Variants in IFT88 observed in about 807,000 individuals in gnomAD.
IFT88 encodes the protein intraflagellar transport protein 88 homolog.
Under a neutral mutation model 119.5 loss-of-function variants are expected in IFT88, and 74 were observed. That is an observed-to-expected ratio of 0.62 (90% confidence interval 0.51 to 0.75). IFT88 has a LOEUF of 0.75. IFT88 is among the 30% of genes least tolerant of loss of function. The pLI, the probability that IFT88 is intolerant of heterozygous loss-of-function variation, is 0.00. For missense variants in IFT88, 961 were observed against 977.7 expected (o/e 0.98, Z 0.23); for synonymous variants, 279 against 316.7 (o/e 0.88, Z 1.26).
intron 24 of IFT88, among the ~76,000 whole-genome samples, chr13:20,672,093 G>A (rs1373394799): frequency 6.6e-6 from 1 of 152,184 alleles, no homozygotes; most frequent in African/African-American, 2.4e-5. Context: ...GTAGAGAAAT[G>A]TACATGAGTT....
At chr13:20,571,192 C>T (rs1480555110) in intron 1 of IFT88, among the ~76,000 whole-genome samples, 1 of 152,014 alleles carries the variant, frequency 6.6e-6, no homozygotes, top group African/African-American at 2.4e-5. Context: ...GACGGGGTTT[C>T]ACCATATTAG....
At chr13:20,670,307 G>T (rs2055573533) in intron 23 of IFT88, among the ~76,000 whole-genome samples, 1 of 152,054 alleles carries the variant, frequency 6.6e-6, no homozygotes, top group Non-Finnish European at 1.5e-5. Context: ...GTGACTTGAG[G>T]CAGATTCAAT....
chr13:20,647,661 A>C (rs1953641619), intron 20 of IFT88, among the ~76,000 whole-genome samples: 1 of 152,178 alleles, frequency 6.6e-6, no homozygotes. Flanking sequence ...CAGCAGCATT[A>C]GGTAATGTTC....
At chr13:20,591,582 T>TTAAA in intron 5 of IFT88, 36 bp from the exon 6 acceptor site, 1 of 1,504,618 alleles carries the variant, frequency 6.6e-7, no homozygotes, top group South Asian at 1.1e-5. Context: ...GAGATAGATC[T>TTAAA]TATTTAAGAA....
intron 11 of IFT88, among the ~76,000 whole-genome samples, chr13:20,599,866 A>G (rs936959653): frequency 6.6e-6 from 1 of 152,186 alleles, no homozygotes; most frequent in African/African-American, 2.4e-5. Context: ...TCATAATAGC[A>G]GTCCTCCAGA....
intron 7 of IFT88, among the ~76,000 whole-genome samples, chr13:20,594,537 A>AT (rs1288933323): frequency 6.6e-6 from 1 of 151,784 alleles, no homozygotes; most frequent in Non-Finnish European, 1.5e-5. Flanking sequence ...TATAGATTGC[A>AT]TTTTTTTTGC....
At chr13:20,677,481 C>G (rs1214147627) in intron 24 of IFT88, among the ~76,000 whole-genome samples, 1 of 152,134 alleles carries the variant, frequency 6.6e-6, no homozygotes, top group African/African-American at 2.4e-5. Context: ...GGATCCCTAG[C>G]TGTGGTGCGC....
intron 14 of IFT88, among the ~76,000 whole-genome samples, chr13:20,621,526 TAAAAAAAAAAAAAAAAAAAAAA>T (rs200491393): frequency 7.6e-6 from 1 of 130,742 alleles, no homozygotes. Context: ...CCTGCTGAGA[TAAAAAAAAAAAAAAAAAAAAAA>T]AAAAAAAAAG....
chr13:20,568,747 G>A (rs532708256), intron 1 of IFT88, among the ~76,000 whole-genome samples: 3 of 151,656 alleles, frequency 2.0e-5, no homozygotes, highest in Admixed American at 6.6e-5. Context: ...AGACGGAGTC[G>A]CACGCTCTGT....
intron 15 of IFT88, among the ~76,000 whole-genome samples, chr13:20,629,167 T>A (rs903114793): frequency 6.6e-6 from 1 of 152,212 alleles, no homozygotes; most frequent in Non-Finnish European, 1.5e-5. Context: ...TAATACACCA[T>A]TTATTATGAC....
chr13:20,599,426 C>A, intron 10 of IFT88, 25 bp from the exon 11 acceptor site: 2 of 796,320 alleles, frequency 2.5e-6, no homozygotes, highest in Admixed American at 4.5e-5. Flanking sequence ...GAGTATTATA[C>A]ATTCATTAAA....
chr13:20,616,935 G>GT lies in IFT88; in HGVS notation c.1199+1065dup, dbSNP rs200313608. ...GGTCCTGGACCAAAACTTTTTTTTG[G>GT]TTTTTTTTTGTTGTTGTTGTTGTTT... On this transcript the variant is annotated intron_variant, in intron 14 of 25. Coordinates refer to ENST00000351808, the MANE Select transcript of IFT88 (RefSeq NM_006531.5). Among the ~76,000 whole-genome samples, 28 of 150,862 alleles carry GT rather than the reference G, an allele frequency of 1.9e-4. No individual in the cohort carries two copies. In the East Asian group the frequency reaches 3.3e-3, roughly 18 times the overall value.
intron 3 of IFT88, among the ~76,000 whole-genome samples, chr13:20,586,907 A>T (rs912809564): frequency 1.4e-4 from 21 of 151,674 alleles, no homozygotes; most frequent in African/African-American, 4.6e-4. Flanking sequence ...GTTTTTTCCC[A>T]TTTTTTTTAA....
chr13:20,572,037 C>CT (rs36049043), intron 1 of IFT88, among the ~76,000 whole-genome samples: 127,372 of 151,814 alleles, frequency 0.84, 53,789 homozygotes, highest in East Asian at 1. Context: ...GCTTTGATAT[C>CT]TTTTTTTCTG....
chr13:20,596,054 G>GTAAAATAAAA (rs59556709), intron 7 of IFT88, 96 bp from the exon 8 acceptor site: 5,338 of 210,168 alleles, frequency 0.025, 96 homozygotes, highest in East Asian at 0.056. Context: ...GACCTTGTCT[G>GTAAAATAAAA]TAAAATAAAA....
At chr13:20,652,030 A>T (rs143659054) in intron 20 of IFT88, among the ~76,000 whole-genome samples, 2 of 152,322 alleles carry the variant, frequency 1.3e-5, no homozygotes, top group Non-Finnish European at 2.9e-5. Context: ...ATTTGTAGAG[A>T]TAGAAAGTAG....
chr13:20,571,084 C>G (rs1465562825), intron 1 of IFT88, among the ~76,000 whole-genome samples: 3 of 152,162 alleles, frequency 2.0e-5, no homozygotes, highest in Non-Finnish European at 4.4e-5. Flanking sequence ...ACCTCCGCCT[C>G]CCAGGTTCAG....
At chr13:20,619,144 A>AC (rs1309449040) in intron 14 of IFT88, among the ~76,000 whole-genome samples, 1 of 151,996 alleles carries the variant, frequency 6.6e-6, no homozygotes, top group Non-Finnish European at 1.5e-5. Flanking sequence ...ATTATTTTTA[A>AC]CCTTTTTTCT....
intron 24 of IFT88, among the ~76,000 whole-genome samples, chr13:20,681,432 G>T (rs2057308891): frequency 6.6e-6 from 1 of 152,248 alleles, no homozygotes; most frequent in African/African-American, 2.4e-5. Flanking sequence ...GATGAGGAAT[G>T]CACCATTTGA....
Sources: gnomAD v4.1 joint callset for allele counts (sites outside exome capture counted in the v4.1 genomes callset) on GRCh38, gnomAD v4.1.1 for gene constraint, MANE v1.5 for transcripts, NCBI Gene and HGNC (gene_info 2026-07-23, HGNC 2026-07-21) for gene names.